EMC2: variants seen among roughly 807,000 people sequenced by gnomAD.
The protein encoded by EMC2 is ER membrane protein complex subunit 2, also known as TPR repeat protein 35.
A neutral mutation model predicts 51.6 loss-of-function variants in EMC2; 37 were observed. That is an observed-to-expected ratio of 0.72 (90% CI 0.55 to 0.94). The LOEUF (loss-of-function observed/expected upper bound fraction) is 0.94, where lower values mean the gene tolerates loss of function less well. EMC2 is among the 40% of genes least tolerant of loss of function. The probability of loss-of-function intolerance (pLI) is 0.00; values close to 1 mark genes in which losing one functional copy is unlikely to be tolerated. For synonymous variants in EMC2, 131 were observed against 112.4 expected (o/e 1.17, Z -1.04); for missense variants, 359 against 350.9 (o/e 1.02, Z -0.18).
intron 5 of EMC2, among the ~76,000 whole-genome samples, chr8:108,469,215 A>G (rs1810801546): frequency 6.6e-6 from 1 of 152,214 alleles, no homozygotes; most frequent in African/African-American, 2.4e-5. Flanking sequence ...CAAACAGTAG[A>G]AGTCTGGTAC....
At chr8:108,473,956 A>C in intron 7 of EMC2, 1 of 152,014 alleles carries the variant, frequency 6.6e-6, no homozygotes. Context: ...TATCCCTGAC[A>C]AGACTGAGGA....
intron 5 of EMC2, among the ~76,000 whole-genome samples, chr8:108,469,578 G>A (rs1489469025): frequency 6.6e-6 from 1 of 152,104 alleles, no homozygotes; most frequent in Non-Finnish European, 1.5e-5. Flanking sequence ...GAATCTGGAT[G>A]ATTATTTATT....
At chr8:108,468,069 G>C (rs1296410741) in intron 5 of EMC2, among the ~76,000 whole-genome samples, 1 of 152,106 alleles carries the variant, frequency 6.6e-6, no homozygotes, top group African/African-American at 2.4e-5. Context: ...ATTATGCTCT[G>C]TATATTGTCT....
rs879463562 is a variant in EMC2 at position 108,484,250 on chromosome 8, A to G, written c.808-2262A>G. Among the ~76,000 whole-genome samples, 9 of 152,130 alleles carry G rather than the reference A, an allele frequency of 5.9e-5. 1 individual carries two copies. Among genetic ancestry groups the G allele is most frequent in the Admixed American group, 5.9e-4 (9 of 15,264 alleles). On this transcript the variant is annotated intron_variant, in intron 10 of 10. Coordinates refer to ENST00000220853, the MANE Select transcript of EMC2 (RefSeq NM_014673.5). ...CTGTTACTATCCTTTTGGGAAACAG[A>G]AAATTAAATCATGATTTGAGGGAAA...
chr8:108,479,253 A>C, intron 10 of EMC2, 143 bp downstream of exon 10: 1 of 399,264 alleles, frequency 2.5e-6, no homozygotes, highest in Non-Finnish European at 4.4e-6. Flanking sequence ...TTTTGAATTA[A>C]TTTGTAGTTT....
chr8:108,483,457 G>A (rs1811082243), intron 10 of EMC2, among the ~76,000 whole-genome samples: 1 of 152,122 alleles, frequency 6.6e-6, no homozygotes, highest in African/African-American at 2.4e-5. Context: ...AGTTTTGCTT[G>A]TGCTATAACT....
intron 7 of EMC2, chr8:108,471,085 A>G (rs951805527): frequency 2.0e-5 from 3 of 151,902 alleles, no homozygotes; most frequent in Non-Finnish European, 2.9e-5. Flanking sequence ...TATTCTAGGA[A>G]CTGTTTTTCA....
At chr8:108,480,081 G>T (rs1811019537) in intron 10 of EMC2, among the ~76,000 whole-genome samples, 1 of 152,074 alleles carries the variant, frequency 6.6e-6, no homozygotes, top group Non-Finnish European at 1.5e-5. Context: ...CAAATACACA[G>T]TACACCCATT....
At position 108,487,628 on chromosome 8, in the gene EMC2, A is replaced by C. The variant is rs1811167294; in HGVS notation, c.*1030A>C. Among the ~76,000 whole-genome samples the C allele has an allele frequency of 6.6e-6, 1 of 151,894 alleles. No homozygotes were observed. Among genetic ancestry groups the C allele is most frequent in the Non-Finnish European group, 1.5e-5 (1 of 67,936 alleles). ...ATATTTATGGTATTTGTTTATAATAAATATATTTAAATTTATTTTTACTAA... is the reference window on the plus strand; with the variant it reads ...ATATTTATGGTATTTGTTTATAATACATATATTTAAATTTATTTTTACTAA... On this transcript the variant is annotated 3_prime_UTR_variant, in exon 11 of 11. Coordinates refer to ENST00000220853, the MANE Select transcript of EMC2 (RefSeq NM_014673.5).
At chr8:108,464,815 C>T (rs930457994) in intron 5 of EMC2, among the ~76,000 whole-genome samples, 4 of 152,182 alleles carry the variant, frequency 2.6e-5, no homozygotes, top group South Asian at 2.1e-4. Context: ...GTTCCGTAAA[C>T]GGTAAATGTG....
chr8:108,468,240 T>C (rs577705012), intron 5 of EMC2, among the ~76,000 whole-genome samples: 1 of 152,344 alleles, frequency 6.6e-6, no homozygotes, highest in South Asian at 2.1e-4. Context: ...TCTAAAATTC[T>C]TAATGGCTTT....
At chr8:108,471,501 A>T (rs1810855825) in intron 7 of EMC2, among the ~76,000 whole-genome samples, 1 of 151,900 alleles carries the variant, frequency 6.6e-6, no homozygotes, top group Non-Finnish European at 1.5e-5. Flanking sequence ...TAATTCCAGC[A>T]TCCTAAGTTA....
chr8:108,469,809 T>C lies in EMC2; in HGVS notation c.364-17T>C, dbSNP rs1309462037. 1.2e-6 allele frequency: 2 copies of C among 1,609,452 alleles called. No individual in the cohort carries two copies. The highest frequency in any genetic ancestry group is 1.7e-6 in the Non-Finnish European group (2 of 1,176,112). On this transcript the variant is annotated splice_polypyrimidine_tract_variant and intron_variant, in intron 5 of 10. Coordinates refer to ENST00000220853, the MANE Select transcript of EMC2 (RefSeq NM_014673.5). Reference sequence around the variant, plus strand: ...GGAATCATAAGGGCCTAATCCTTTATTAATGTCAACCCACAGGCTGCAAGA... The same window carrying C: ...GGAATCATAAGGGCCTAATCCTTTACTAATGTCAACCCACAGGCTGCAAGA...
At chr8:108,444,171 A>G (rs1233235487) in intron 1 of EMC2, among the ~76,000 whole-genome samples, 1 of 152,224 alleles carries the variant, frequency 6.6e-6, no homozygotes, top group Non-Finnish European at 1.5e-5. Flanking sequence ...TGATTCTCAT[A>G]TGCCACTCTA....
intron 5 of EMC2, among the ~76,000 whole-genome samples, chr8:108,460,466 A>G (rs1368365428): frequency 2.6e-5 from 4 of 152,160 alleles, no homozygotes; most frequent in Non-Finnish European, 4.4e-5. Context: ...AAAATTCAAC[A>G]CTTTTTGAAG....
intron 5 of EMC2, among the ~76,000 whole-genome samples, chr8:108,459,160 T>C (rs1299617940): frequency 1.3e-5 from 2 of 152,198 alleles, no homozygotes; most frequent in Non-Finnish European, 2.9e-5. Context: ...TCCGTATCAT[T>C]AGCATTTTGG....
intron 8 of EMC2, 46 bp downstream of exon 8, chr8:108,476,009 A>G (rs747839706): frequency 1.9e-6 from 2 of 1,034,304 alleles, no homozygotes; most frequent in South Asian, 1.4e-5. Context: ...TTTGGTTACT[A>G]TTCGGTGTTA....
At chr8:108,458,399 A>C (rs1819219878) in intron 5 of EMC2, among the ~76,000 whole-genome samples, 1 of 152,184 alleles carries the variant, frequency 6.6e-6, no homozygotes, top group South Asian at 2.1e-4. Context: ...ACCCTAGCAG[A>C]GGTTCTCCAT....
chr8:108,483,510 GC>G (rs1269975932), intron 10 of EMC2, among the ~76,000 whole-genome samples: 1 of 152,100 alleles, frequency 6.6e-6, no homozygotes, highest in African/African-American at 2.4e-5. Flanking sequence ...TCTGTGTCTG[GC>G]TTCTTTCACT....
Sources: allele counts gnomAD v4.1 joint callset (sites outside exome capture counted in the v4.1 genomes callset), GRCh38; gene constraint gnomAD v4.1.1; transcripts MANE v1.5; gene names NCBI Gene and HGNC (gene_info 2026-07-23, HGNC 2026-07-21).